ODF2L: variants seen among roughly 807,000 people sequenced by gnomAD.
The protein encoded by ODF2L is outer dense fiber of sperm tails 2 like, also known as protein BCAP.
In ODF2L, 76 loss-of-function variants were observed where a neutral mutation model predicts 86.3. The observed-to-expected ratio is 0.88, with a 90% confidence interval of 0.73 to 1.07. ODF2L has a LOEUF of 1.07. Among genes scored for constraint, ODF2L ranks in the 50% least tolerant of loss-of-function variants. The pLI is 0.00. For missense variants in ODF2L, 748 were observed against 717.4 expected (o/e 1.04, Z -0.49); for synonymous variants, 241 against 231.3 (o/e 1.04, Z -0.38).
At chr1:86,359,697 T>G (rs544888634) in intron 12 of ODF2L, among the ~76,000 whole-genome samples, 60 of 151,996 alleles carry the variant, frequency 3.9e-4, no homozygotes, top group African/African-American at 1.4e-3. Context: ...CTAATTTTTG[T>G]ATTTTTAGTA....
chr1:86,368,857 T>C (rs1052843101), intron 10 of ODF2L: 4 of 666,824 alleles, frequency 6.0e-6, no homozygotes, highest in African/African-American at 1.9e-5. Context: ...ACGTTGACTA[T>C]ATATTACAAA....
intron 7 of ODF2L, among the ~76,000 whole-genome samples, chr1:86,378,105 T>C (rs909791561): frequency 6.6e-6 from 1 of 152,228 alleles, no homozygotes; most frequent in Non-Finnish European, 1.5e-5. Flanking sequence ...TCTTGAATGT[T>C]TTTCTGATTA....
intron 3 of ODF2L, 99 bp downstream of exon 3, chr1:86,385,359 C>A: frequency 1.5e-6 from 1 of 664,344 alleles, no homozygotes; most frequent in East Asian, 2.8e-5. Context: ...ATGAAATACT[C>A]ATAAGTGAGC....
At chr1:86,348,432 G>A (rs888248078), downstream of ODF2L, 1 of 153,334 alleles carries the variant, frequency 6.5e-6, no homozygotes, top group African/African-American at 2.4e-5. Flanking sequence ...TCACTTGAAT[G>A]GTGGCTACAA....
chr1:86,363,528 A>G (rs983934164), intron 11 of ODF2L, among the ~76,000 whole-genome samples: 5 of 152,182 alleles, frequency 3.3e-5, no homozygotes, highest in Non-Finnish European at 5.9e-5. Context: ...GAAATATAGA[A>G]CAATATTAAA....
chr1:86,384,982 T>A (rs1450081131), intron 3 of ODF2L, among the ~76,000 whole-genome samples, 181 bp from the exon 4 acceptor site: 1 of 151,928 alleles, frequency 6.6e-6, no homozygotes, highest in East Asian at 1.9e-4. Context: ...TACATTAAAA[T>A]AAAATGAAAT....
exon 14 of ODF2L, chr1:86,356,543 C>A (rs11810074): frequency 1.2e-6 from 2 of 1,613,882 alleles, no homozygotes; most frequent in Non-Finnish European, 1.7e-6. Flanking sequence ...GTTCCGCCGC[C>A]GTCAAGGAAT....
At chr1:86,390,873 G>T (rs959450435) in intron 1 of ODF2L, among the ~76,000 whole-genome samples, 1 of 152,072 alleles carries the variant, frequency 6.6e-6, no homozygotes, top group Non-Finnish European at 1.5e-5. Flanking sequence ...CATCCAAATC[G>T]GTAAACAGGA....
intron 1 of ODF2L, among the ~76,000 whole-genome samples, chr1:86,388,954 T>C (rs185069654): frequency 2.0e-5 from 3 of 152,282 alleles, no homozygotes; most frequent in East Asian, 1.9e-4. Flanking sequence ...GGAAGAGAAC[T>C]ATTTGTCTCA....
chr1:86,394,633 T>C (rs1300531020), intron 1 of ODF2L, among the ~76,000 whole-genome samples: 1 of 152,060 alleles, frequency 6.6e-6, no homozygotes, highest in African/African-American at 2.4e-5. Context: ...CGCGACCAGA[T>C]CACTAAATTC....
At chr1:86,385,310 C>T (rs1660868443) in intron 3 of ODF2L, 148 bp downstream of exon 3, 1 of 514,794 alleles carries the variant, frequency 1.9e-6, no homozygotes, top group African/African-American at 1.9e-5. Flanking sequence ...TAGTTAATGA[C>T]ACAGGAATAA....
chr1:86,356,157 A>G, intron 14 of ODF2L: 2 of 251,964 alleles, frequency 7.9e-6, no homozygotes, highest in Non-Finnish European at 1.5e-5. Flanking sequence ...ACATATATGT[A>G]AGTATAACTT....
intron 10 of ODF2L, chr1:86,368,796 C>A: frequency 8.1e-7 from 1 of 1,232,332 alleles, no homozygotes; most frequent in Non-Finnish European, 1.0e-6. Flanking sequence ...ATGTTAAAAA[C>A]ATTGGGAATA....
At chr1:86,394,779 T>C (rs1219608619) in intron 1 of ODF2L, among the ~76,000 whole-genome samples, 3 of 151,068 alleles carry the variant, frequency 2.0e-5, no homozygotes, top group Non-Finnish European at 2.9e-5. Context: ...ATTCTTACTA[T>C]AAGCAGAATA....
chr1:86,395,809 A>AC (rs1169076237), intron 1 of ODF2L: 1 of 152,152 alleles, frequency 6.6e-6, no homozygotes, highest in Non-Finnish European at 1.5e-5. Flanking sequence ...CCCGGGGACC[A>AC]CACCCTTCCT....
intron 7 of ODF2L, among the ~76,000 whole-genome samples, chr1:86,376,684 G>A (rs1395380256): frequency 6.6e-6 from 1 of 152,154 alleles, no homozygotes. Context: ...ACAGGAGACA[G>A]AAGAGTGAGG....
rs373030085 is a variant in ODF2L at position 86,366,605 on chromosome 1, C to A, written c.1143+2031G>T. 5.8e-4 allele frequency among the ~76,000 whole-genome samples: 80 copies of A among 138,162 alleles called. 1 individual carries two copies. Among genetic ancestry groups the A allele is most frequent in the Admixed American group, 8.8e-4 (12 of 13,636 alleles). The allele number at this position is 138,162 out of a possible 152,430, so 90.6% of individuals were successfully genotyped here. On this transcript the variant is annotated intron_variant, in intron 11 of 17. Coordinates refer to ENST00000317336, the Ensembl canonical transcript of ODF2L. ...TCAGCAACAGAGCAAGACTCTGTCT[C>A]AAAAAAAAAAAGTGCCAATTGGAAA...
chr1:86,388,730 G>C (rs546651557), intron 1 of ODF2L, among the ~76,000 whole-genome samples: 1 of 152,146 alleles, frequency 6.6e-6, no homozygotes, highest in East Asian at 1.9e-4. Flanking sequence ...TTTGGTATCG[G>C]TATTTTATAC....
chr1:86,355,283 GTAAATAAAA>G (rs1411235600), intron 14 of ODF2L: 2 of 1,086,356 alleles, frequency 1.8e-6, no homozygotes, highest in African/African-American at 1.6e-5. Context: ...AGTCGAAACT[GTAAATAAAA>G]TACATATTTT....
Sources: allele counts gnomAD v4.1 joint callset (sites outside exome capture counted in the v4.1 genomes callset), GRCh38; gene constraint gnomAD v4.1.1; transcripts MANE v1.5; gene names NCBI Gene and HGNC (gene_info 2026-07-23, HGNC 2026-07-21).